Variants in ARHGAP18 observed in about 807,000 individuals in gnomAD.
The protein encoded by ARHGAP18 is Rho GTPase activating protein 18.
Under a neutral mutation model 86.2 loss-of-function variants are expected in ARHGAP18, and 67 were observed. The observed-to-expected ratio is 0.78, with a 90% CI of 0.64 to 0.95. ARHGAP18 has a LOEUF of 0.95. ARHGAP18 is among the 40% of genes least tolerant of loss of function. ARHGAP18 has a pLI of 0.00. For synonymous variants in ARHGAP18, 283 were observed against 280.4 expected (o/e 1.01, Z -0.09); for missense variants, 691 against 780.4 (o/e 0.89, Z 1.37).
At chr6:129,625,193 G>C (rs566245105) in intron 5 of ARHGAP18, among the ~76,000 whole-genome samples, 1 of 63,054 alleles carries the variant, frequency 1.6e-5, no homozygotes, top group Non-Finnish European at 2.7e-5. Flanking sequence ...TATTATATAT[G>C]ATATATATTT....
In ARHGAP18 at chr6:129,629,654, T is replaced by C. The variant is rs190525958; in HGVS notation, c.617-132A>G. 6.8e-5 allele frequency: 63 copies of C among 930,068 alleles called. No homozygotes were observed. The East Asian group carries it at 1.5e-3, about 22-fold the overall frequency. The allele number at this position is 930,068 out of a possible 1,614,324, so 57.6% of individuals were successfully genotyped here. A position where few individuals can be genotyped will look rare whatever the true frequency, so the allele number is the denominator to read the frequency against. ...TCTAGGCAATACTTAGCCGTTATTT[T>C]AATACTAAAGAGTATACTCAAGAAT... On this transcript the variant is annotated intron_variant, in intron 4 of 14. Transcript: ENST00000368149.
intron 1 of ARHGAP18, among the ~76,000 whole-genome samples, chr6:129,704,458 C>A (rs1340694332): frequency 6.6e-6 from 1 of 151,800 alleles, no homozygotes; most frequent in East Asian, 1.9e-4. Context: ...AAACAAAAAA[C>A]AAACAAAAAA....
chr6:129,705,448 C>T (rs1638359181), intron 1 of ARHGAP18, among the ~76,000 whole-genome samples: 1 of 152,096 alleles, frequency 6.6e-6, no homozygotes, highest in African/African-American at 2.4e-5. Flanking sequence ...CAATACCCCC[C>T]AAGAAAGGCC....
At chr6:129,593,979 C>T (rs1174322031) in intron 12 of ARHGAP18, among the ~76,000 whole-genome samples, 1 of 152,104 alleles carries the variant, frequency 6.6e-6, no homozygotes. Flanking sequence ...TAATAGCATA[C>T]AAAATTATTA....
chr6:129,695,617 G>A (rs867360224), intron 1 of ARHGAP18, among the ~76,000 whole-genome samples: 24 of 152,186 alleles, frequency 1.6e-4, no homozygotes, highest in Admixed American at 5.9e-4. Context: ...ATAACATAGG[G>A]GATGGGAAAA....
At chr6:129,591,330 C>T (rs1040873550) in intron 12 of ARHGAP18, among the ~76,000 whole-genome samples, 6 of 151,838 alleles carry the variant, frequency 4.0e-5, no homozygotes, top group Non-Finnish European at 5.9e-5. Context: ...CTGTCTCCTG[C>T]TTTTTTTTCC....
chr6:129,698,275 T>G (rs1337234030), intron 1 of ARHGAP18, among the ~76,000 whole-genome samples: 1 of 152,204 alleles, frequency 6.6e-6, no homozygotes, highest in East Asian at 1.9e-4. Context: ...TAATTTAAAA[T>G]TTAAGATATC....
intron 5 of ARHGAP18, among the ~76,000 whole-genome samples, chr6:129,620,228 C>T (rs1789199206): frequency 6.6e-6 from 1 of 152,168 alleles, no homozygotes; most frequent in African/African-American, 2.4e-5. Context: ...GGCAATTTTA[C>T]AAAATATTTT....
rs577491630 is a variant in ARHGAP18 at position 129,688,746 on chromosome 6, C to T, written c.113+21278G>A. Reference sequence around the variant, plus strand: ...GGCAGAGGTTGCAGTGAGCCGAGATCGCACCATTGCCCTCCAGCCTGGGCA... The same window carrying T: ...GGCAGAGGTTGCAGTGAGCCGAGATTGCACCATTGCCCTCCAGCCTGGGCA... On this transcript the variant is annotated intron_variant, in intron 1 of 14. Transcript: ENST00000368149. 2.6e-4 allele frequency among the ~76,000 whole-genome samples: 39 copies of T among 151,844 alleles called. No individual in the cohort carries two copies. The South Asian group carries it at 5.8e-3, about 23-fold the overall frequency.
intron 1 of ARHGAP18, among the ~76,000 whole-genome samples, chr6:129,673,223 G>A (rs17057567): frequency 0.018 from 2,800 of 151,970 alleles, 73 homozygotes; most frequent in African/African-American, 0.065. Flanking sequence ...TGTTTGCTAC[G>A]TATTTTCATA....
intron 1 of ARHGAP18, among the ~76,000 whole-genome samples, chr6:129,650,614 G>A (rs571060528): frequency 6.6e-6 from 1 of 152,218 alleles, no homozygotes; most frequent in Admixed American, 6.5e-5. Context: ...GAAGGTATCT[G>A]TAGTGGGACT....
chr6:129,627,820 TG>T (rs1789513305), intron 5 of ARHGAP18, among the ~76,000 whole-genome samples: 1 of 152,178 alleles, frequency 6.6e-6, no homozygotes, highest in Admixed American at 6.5e-5. Flanking sequence ...TGATACAATT[TG>T]AAATTTGAAC....
At chr6:129,607,790 C>A in intron 9 of ARHGAP18, 103 bp downstream of exon 9, 1 of 1,287,062 alleles carries the variant, frequency 7.8e-7, no homozygotes, top group South Asian at 2.0e-5. Flanking sequence ...ATATGTCCAC[C>A]CAAATACGTC....
intron 1 of ARHGAP18, among the ~76,000 whole-genome samples, chr6:129,645,901 T>C (rs915162351): frequency 2.6e-5 from 4 of 152,228 alleles, no homozygotes; most frequent in African/African-American, 9.6e-5. Context: ...TGTTTTGTTG[T>C]ATTTTCCCAA....
At chr6:129,672,378 G>A (rs73776359) in intron 1 of ARHGAP18, among the ~76,000 whole-genome samples, 3,563 of 152,218 alleles carry the variant, frequency 0.023, 131 homozygotes, top group African/African-American at 0.082. Flanking sequence ...CTTTATGTCA[G>A]TTCCTTCCTT....
chr6:129,637,583 T>A (rs1366281341), intron 3 of ARHGAP18, among the ~76,000 whole-genome samples: 3 of 152,216 alleles, frequency 2.0e-5, no homozygotes, highest in African/African-American at 7.2e-5. Flanking sequence ...AACTCTAACC[T>A]AACTGGATGT....
chr6:129,639,441 T>C (rs1334954338), intron 2 of ARHGAP18, among the ~76,000 whole-genome samples: 1 of 152,214 alleles, frequency 6.6e-6, no homozygotes, highest in Non-Finnish European at 1.5e-5. Flanking sequence ...TGCAACTTGA[T>C]AGCCAAGTCT....
At chr6:129,683,940 A>C (rs1055929030) in intron 1 of ARHGAP18, among the ~76,000 whole-genome samples, 1 of 152,230 alleles carries the variant, frequency 6.6e-6, no homozygotes, top group African/African-American at 2.4e-5. Flanking sequence ...ATGTGAATTG[A>C]AAAGAGAAGG....
intron 1 of ARHGAP18, among the ~76,000 whole-genome samples, chr6:129,660,286 T>C (rs1296069536): frequency 6.6e-6 from 1 of 152,284 alleles, no homozygotes; most frequent in East Asian, 1.9e-4. Context: ...CGTAAACAGA[T>C]CGCTGAGCGA....
Sources: gnomAD v4.1 joint callset for allele counts (sites outside exome capture counted in the v4.1 genomes callset) on GRCh38, gnomAD v4.1.1 for gene constraint, MANE v1.5 for transcripts, NCBI Gene and HGNC (gene_info 2026-07-23, HGNC 2026-07-21) for gene names.